FOXP2: variants seen among roughly 807,000 people sequenced by gnomAD.
The protein encoded by FOXP2 is forkhead box P2.
In FOXP2, 12 loss-of-function variants were observed where a neutral mutation model predicts 115.8. The observed-to-expected ratio is 0.10, with a 90% CI of 0.07 to 0.17. The LOEUF is 0.17. Among genes scored for constraint, FOXP2 ranks in the 10% least tolerant of loss-of-function variants. The pLI is 1.00. For missense variants in FOXP2, 629 were observed against 843.5 expected (o/e 0.75, Z 3.15); for synonymous variants, 328 against 297.7 (o/e 1.10, Z -1.05).
intron 1 of FOXP2, among the ~76,000 whole-genome samples, chr7:114,231,887 A>C (rs1170713793): frequency 6.6e-6 from 1 of 152,218 alleles, no homozygotes; most frequent in Non-Finnish European, 1.5e-5. Context: ...TAAACTAAAA[A>C]GTTTCAGTGC....
intron 3 of FOXP2, 85 bp downstream of exon 3, chr7:114,534,791 A>G (rs1799300085): frequency 2.0e-6 from 2 of 1,005,074 alleles, no homozygotes; most frequent in Non-Finnish European, 3.2e-6. Flanking sequence ...TTGTATATAT[A>G]CAGGAAATTA....
intron 13 of FOXP2, 113 bp from the exon 14 acceptor site, chr7:114,661,952 A>G: frequency 1.5e-6 from 2 of 1,355,452 alleles, no homozygotes; most frequent in Non-Finnish European, 2.1e-6. Context: ...TTAATACTTA[A>G]ACATGTTAAG....
At chr7:114,114,579 C>T (rs1326476227) in intron 1 of FOXP2, among the ~76,000 whole-genome samples, 1 of 151,782 alleles carries the variant, frequency 6.6e-6, no homozygotes, top group African/African-American at 2.4e-5. Flanking sequence ...TTTTTTTTCT[C>T]CATTGTGCCA....
intron 1 of FOXP2, among the ~76,000 whole-genome samples, chr7:114,199,841 G>C (rs911645347): frequency 6.6e-6 from 1 of 152,082 alleles, no homozygotes; most frequent in African/African-American, 2.4e-5. Context: ...GAGATTGCAG[G>C]AATTGGTGAA....
At chr7:114,430,627 A>G (rs1794063628) in intron 2 of FOXP2, among the ~76,000 whole-genome samples, 1 of 151,736 alleles carries the variant, frequency 6.6e-6, no homozygotes, top group Non-Finnish European at 1.5e-5. Flanking sequence ...CTTTTTTACA[A>G]CCAAATTCCT....
chr7:114,185,850 T>C (rs1213720875), intron 1 of FOXP2, among the ~76,000 whole-genome samples: 2 of 152,336 alleles, frequency 1.3e-5, no homozygotes, highest in Admixed American at 1.3e-4. Flanking sequence ...GGTGTTTTAG[T>C]ATTTACCACT....
chr7:114,658,137 C>T lies in FOXP2; in HGVS notation c.1338C>T (p.Thr446=). The change falls in exon 11 of 17, where the codon ACC becomes ACT. Residue 446 remains threonine, a synonymous_variant. Coordinates refer to ENST00000350908, the MANE Select transcript of FOXP2 (RefSeq NM_014491.4). Reference sequence around the variant, plus strand: ...CATCCCCACAGAGCTTACCTCAAACCCCTACCACACCAACGGCCCCAGTCA... The same window carrying T: ...CATCCCCACAGAGCTTACCTCAAACTCCTACCACACCAACGGCCCCAGTCA... ...LETSPQSLPQ[T]PTTPTAPVTP... is the part of the protein sequence containing the mutation. 1.2e-6 allele frequency: 2 copies of T among 1,613,910 alleles called. No homozygotes were observed. Among genetic ancestry groups the T allele is most frequent in the South Asian group, 1.1e-5 (1 of 91,074 alleles).
At chr7:114,575,732 T>C (rs749604687) in intron 3 of FOXP2, among the ~76,000 whole-genome samples, 1 of 151,906 alleles carries the variant, frequency 6.6e-6, no homozygotes, top group African/African-American at 2.4e-5. Flanking sequence ...AGGAAATACA[T>C]GCAGCAATGT....
chr7:114,682,380 A>G (rs866687351), intron 16 of FOXP2, among the ~76,000 whole-genome samples: 36 of 152,198 alleles, frequency 2.4e-4, no homozygotes, highest in African/African-American at 8.0e-4. Flanking sequence ...TTATATTCTT[A>G]TAATTAAAAA....
intron 1 of FOXP2, among the ~76,000 whole-genome samples, chr7:114,113,999 C>A (rs1482811827): frequency 6.6e-6 from 1 of 151,514 alleles, no homozygotes; most frequent in Admixed American, 6.6e-5. Context: ...TGTTTCATTC[C>A]ACAAAGAATT....
chr7:114,531,145 A>G (rs550635206), intron 2 of FOXP2, among the ~76,000 whole-genome samples: 2 of 151,868 alleles, frequency 1.3e-5, no homozygotes, highest in East Asian at 3.9e-4. Context: ...TTGGAAACAG[A>G]CTCAATCATT....
intron 2 of FOXP2, among the ~76,000 whole-genome samples, chr7:114,532,923 A>T (rs1195311302): frequency 6.6e-6 from 1 of 151,962 alleles, no homozygotes; most frequent in Non-Finnish European, 1.5e-5. Context: ...CAATTAAAAG[A>T]GGAAAGATAT....
At chr7:114,583,002 G>T (rs1042356738) in intron 3 of FOXP2, among the ~76,000 whole-genome samples, 1 of 152,068 alleles carries the variant, frequency 6.6e-6, no homozygotes, top group Admixed American at 6.6e-5. Context: ...TAAAGTGTAA[G>T]GAAAACAAAA....
At chr7:114,540,916 G>T (rs558272058) in intron 3 of FOXP2, among the ~76,000 whole-genome samples, 15 of 152,180 alleles carry the variant, frequency 9.9e-5, no homozygotes, top group African/African-American at 3.4e-4. Flanking sequence ...AACTTAAAAT[G>T]TCAAGCCAAG....
At chr7:114,225,663 G>C (rs1794728965) in intron 1 of FOXP2, among the ~76,000 whole-genome samples, 1 of 151,176 alleles carries the variant, frequency 6.6e-6, no homozygotes, top group South Asian at 2.1e-4. Flanking sequence ...GTATTGCTCA[G>C]GCTGGTCTCA....
At chr7:114,651,483 A>G (rs1806250632) in intron 8 of FOXP2, among the ~76,000 whole-genome samples, 1 of 152,148 alleles carries the variant, frequency 6.6e-6, no homozygotes, top group Non-Finnish European at 1.5e-5. Context: ...CTCATTAAAG[A>G]GATCTCTTTA....
intron 3 of FOXP2, among the ~76,000 whole-genome samples, chr7:114,621,626 A>C (rs1173788607): frequency 6.6e-6 from 1 of 152,026 alleles, no homozygotes; most frequent in Non-Finnish European, 1.5e-5. Context: ...CAGTGAGAGC[A>C]TCCTAATGAT....
At chr7:114,626,029 A>G (rs990191054) in intron 3 of FOXP2, among the ~76,000 whole-genome samples, 4 of 151,730 alleles carry the variant, frequency 2.6e-5, no homozygotes, top group Non-Finnish European at 5.9e-5. Context: ...AGTTTCCTAG[A>G]AGGTAGGCCA....
chr7:114,142,252 G>C (rs192553304), intron 1 of FOXP2, among the ~76,000 whole-genome samples: 31 of 152,190 alleles, frequency 2.0e-4, no homozygotes, highest in African/African-American at 7.5e-4. Flanking sequence ...TCGAACTCCT[G>C]ACCTCGTGAT....
Sources: gnomAD v4.1 joint callset for allele counts (sites outside exome capture counted in the v4.1 genomes callset) on GRCh38, gnomAD v4.1.1 for gene constraint, MANE v1.5 for transcripts, NCBI Gene and HGNC (gene_info 2026-07-23, HGNC 2026-07-21) for gene names.